The following PXYLP1 variants were observed in gnomAD, a reference collection of about 807,000 sequenced individuals.
The protein encoded by PXYLP1 is 2-phosphoxylose phosphatase 1.
A neutral mutation model predicts 37.9 loss-of-function variants in PXYLP1; 17 were observed. The ratio of observed to expected loss-of-function variants is 0.45; its 90% CI spans 0.31 to 0.67. The LOEUF (loss-of-function observed/expected upper bound fraction) is 0.67, where lower values mean the gene tolerates loss of function less well. PXYLP1 is among the 30% of genes least tolerant of loss of function. PXYLP1 has a pLI of 0.07. For missense variants in PXYLP1, 511 were observed against 612.0 expected (o/e 0.84, Z 1.74); for synonymous variants, 221 against 232.2 (o/e 0.95, Z 0.44).
chr3:141,293,477 T>C lies in PXYLP1; in HGVS notation c.*272T>C. 2.4e-6 allele frequency: 1 copy of C among 422,548 alleles called. No homozygotes were observed. Among genetic ancestry groups the C allele is most frequent in the Non-Finnish European group, 4.2e-6 (1 of 237,328 alleles). The allele number at this position is 422,548 out of a possible 1,614,324, so 26.2% of individuals were successfully genotyped here. On this transcript the variant is annotated 3_prime_UTR_variant, in exon 6 of 6. Transcript: ENST00000286353. ...GCTTAGAATGCCAGAATAATATAGT[T>C]CAAGACCTGAAGTTGCCAATCCAAG...
chr3:141,244,684 T>C (rs575720496), intron 1 of PXYLP1, among the ~76,000 whole-genome samples: 2 of 151,356 alleles, frequency 1.3e-5, no homozygotes, highest in Non-Finnish European at 2.9e-5. Flanking sequence ...CACTTCTTTC[T>C]TTTTTTAAGG....
chr3:141,273,984 A>G (rs76390151), intron 2 of PXYLP1: 49,871 of 985,748 alleles, frequency 0.051, 1,394 homozygotes, highest in Non-Finnish European at 0.056. Context: ...TTATCTGCCC[A>G]CTATTCTTTC....
intron 2 of PXYLP1, among the ~76,000 whole-genome samples, chr3:141,261,265 C>G (rs112709736): frequency 6.6e-6 from 1 of 152,094 alleles, no homozygotes; most frequent in Admixed American, 6.5e-5. Context: ...GTAATCTTCC[C>G]ACCTCAGCTT....
At chr3:141,237,143 G>T (rs184136708) in intron 1 of PXYLP1, among the ~76,000 whole-genome samples, 1 of 152,288 alleles carries the variant, frequency 6.6e-6, no homozygotes, top group Admixed American at 6.5e-5. Flanking sequence ...TGTAAACCTG[G>T]ATATCCCTGC....
intron 1 of PXYLP1, among the ~76,000 whole-genome samples, chr3:141,255,676 AG>A (rs1941248025): frequency 6.6e-6 from 1 of 152,232 alleles, no homozygotes; most frequent in Non-Finnish European, 1.5e-5. Context: ...TATAGACCCC[AG>A]GGGTAGGCGC....
chr3:141,274,366 G>A, intron 2 of PXYLP1: 2 of 1,435,086 alleles, frequency 1.4e-6, no homozygotes, highest in Non-Finnish European at 1.8e-6. Context: ...GGGACCCAAG[G>A]CGTATCCTGA....
In PXYLP1 at chr3:141,294,052, C is replaced by A. The variant is rs903264880; in HGVS notation, c.*847C>A. On this transcript the variant is annotated 3_prime_UTR_variant, in exon 6 of 6. Coordinates refer to ENST00000286353, the MANE Select transcript of PXYLP1 (RefSeq NM_001037172.3). ...TCATAGAAAACTGATTAGAAGAATA[C>A]TTGATGTTTATGATGATTGTGGTAC... 2 of 152,140 alleles carry A rather than the reference C, an allele frequency of 1.3e-5. No individual in the cohort carries two copies. Among genetic ancestry groups the A allele is most frequent in the African/African-American group, 4.8e-5 (2 of 41,426 alleles). 9.4% of individuals were successfully genotyped at this position (152,140 alleles called of 1,614,324 possible). A position where few individuals can be genotyped will look rare whatever the true frequency, so the allele number is the denominator to read the frequency against.
At chr3:141,266,810 C>G (rs899102445) in intron 2 of PXYLP1, among the ~76,000 whole-genome samples, 9 of 152,044 alleles carry the variant, frequency 5.9e-5, no homozygotes, top group African/African-American at 1.9e-4. Flanking sequence ...GCCCTGATCC[C>G]CTATATCCCC....
intron 1 of PXYLP1, chr3:141,258,337 C>G (rs534208370): frequency 1.3e-5 from 2 of 152,408 alleles, no homozygotes; most frequent in African/African-American, 4.8e-5. Context: ...CACGGAGGCA[C>G]TGACTCTCGG....
chr3:141,249,465 G>A (rs1941091167), intron 1 of PXYLP1, among the ~76,000 whole-genome samples: 1 of 144,320 alleles, frequency 6.9e-6, no homozygotes, highest in South Asian at 2.2e-4. Context: ...TCAGGACTTT[G>A]GAAGCTTTTT....
At chr3:141,267,870 T>TCTCTCTGTCTCTCTCC (rs1553753312) in intron 2 of PXYLP1, among the ~76,000 whole-genome samples, 1 of 149,758 alleles carries the variant, frequency 6.7e-6, no homozygotes, top group Admixed American at 6.6e-5. Context: ...TCCCTCTCTG[T>TCTCTCTGTCTCTCTCC]CTCTCTCCCT....
At chr3:141,244,723 CTG>C (rs1940895413) in intron 1 of PXYLP1, among the ~76,000 whole-genome samples, 2 of 151,530 alleles carry the variant, frequency 1.3e-5, no homozygotes, top group Middle Eastern at 6.8e-3. Flanking sequence ...TTTGGACAAA[CTG>C]TGATTTTCCA....
intron 4 of PXYLP1, among the ~76,000 whole-genome samples, chr3:141,285,734 A>G (rs1374823079): frequency 6.6e-6 from 1 of 152,150 alleles, no homozygotes; most frequent in Non-Finnish European, 1.5e-5. Context: ...CTGTTGATGG[A>G]TAGCCTTTGT....
intron 1 of PXYLP1, among the ~76,000 whole-genome samples, chr3:141,240,893 C>T (rs1458552235): frequency 6.6e-6 from 1 of 152,196 alleles, no homozygotes; most frequent in Non-Finnish European, 1.5e-5. Flanking sequence ...TGTCTTGACA[C>T]AGGACATGTT....
chr3:141,237,043 C>T (rs1296333200), intron 1 of PXYLP1, among the ~76,000 whole-genome samples: 1 of 152,088 alleles, frequency 6.6e-6, no homozygotes, highest in African/African-American at 2.4e-5. Context: ...TTCAATAAGC[C>T]TGCGATCTGC....
chr3:141,243,579 C>G (rs565594951), intron 1 of PXYLP1, among the ~76,000 whole-genome samples: 5 of 152,364 alleles, frequency 3.3e-5, no homozygotes, highest in African/African-American at 1.2e-4. Flanking sequence ...TAGTTTAGCA[C>G]AGTTTCCGCC....
chr3:141,287,645 C>T (rs1942107507), intron 5 of PXYLP1, among the ~76,000 whole-genome samples, 192 bp downstream of exon 5: 1 of 152,174 alleles, frequency 6.6e-6, no homozygotes, highest in Non-Finnish European at 1.5e-5. Context: ...AACCTTTCTC[C>T]TTCTTACAAA....
In PXYLP1 at chr3:141,292,576, G is replaced by A. The variant is rs201320297; in HGVS notation, c.814G>A (p.Glu272Lys). 3 of 1,614,096 alleles carry A rather than the reference G, an allele frequency of 1.9e-6. No individual in the cohort carries two copies. Among genetic ancestry groups the A allele is most frequent in the Middle Eastern group, 1.6e-4 (1 of 6,062 alleles). ...YLLRLKNSQLEKTYGEMAKIV... is the reference protein window; with the variant it reads ...YLLRLKNSQLKKTYGEMAKIV... The stretch of plus-strand genomic sequence containing the variant: ...CCTACGTTTGAAAAACAGCCAGCTG[G>A]AGAAGACCTACGGGGAGATGGCCAA... Residue 272 changes from glutamate (E) to lysine (K), a missense_variant, in exon 6 of 6, where the codon GAG (glutamate) becomes AAG (lysine). Glu to Lys is a moderately conservative substitution (Grantham distance 56). Transcript: ENST00000286353. The surrounding 1 kb of genome is among the most constrained non-coding windows in gnomAD (Gnocchi z 4.3).
At chr3:141,232,206 C>T (rs975723397) in intron 1 of PXYLP1, 3 of 152,982 alleles carry the variant, frequency 2.0e-5, no homozygotes, top group Non-Finnish European at 4.4e-5. Context: ...CCCCATAGCC[C>T]CCTTCTCCCA....
Sources: allele counts gnomAD v4.1 joint callset (sites outside exome capture counted in the v4.1 genomes callset), GRCh38; gene constraint gnomAD v4.1.1; non-coding constraint Gnocchi (gnomAD v3.1); transcripts MANE v1.5; gene names NCBI Gene and HGNC (gene_info 2026-07-23, HGNC 2026-07-21).